The following THOC2 variants were observed in gnomAD, a reference collection of about 807,000 sequenced individuals.
The protein encoded by THOC2 is THO complex 2.
In THOC2, 10 loss-of-function variants were observed where a neutral mutation model predicts 128.4. The ratio of observed to expected loss-of-function variants is 0.08; its 90% CI spans 0.05 to 0.13. The LOEUF (loss-of-function observed/expected upper bound fraction) is 0.13. Among genes scored for constraint, THOC2 ranks in the 10% least tolerant of loss-of-function variants. THOC2 has a pLI of 1.00. For synonymous variants in THOC2, 393 were observed against 396.9 expected (o/e 0.99, Z 0.12); for missense variants, 535 against 1,155.7 (o/e 0.46, Z 7.79).
At chrX:123,712,597 T>G (rs952554152) in intron 2 of THOC2, among the ~76,000 whole-genome samples, 4 of 112,164 alleles carry the variant, frequency 3.6e-5, no homozygotes, top group African/African-American at 1.3e-4. Flanking sequence ...GAAATTTAGC[T>G]AAATATACCA....
chrX:123,699,914 A>G, intron 4 of THOC2, among the ~76,000 whole-genome samples: 1 of 112,221 alleles, frequency 8.9e-6, no homozygotes, highest in Non-Finnish European at 1.9e-5. Context: ...AACAATCAGT[A>G]CAGGACTCTA....
chrX:123,656,647 T>C, intron 12 of THOC2, among the ~76,000 whole-genome samples: 1 of 109,316 alleles, frequency 9.1e-6, no homozygotes, highest in East Asian at 2.9e-4. Context: ...AAGGCGGAGG[T>C]TGCAGTGAGC....
intron 11 of THOC2, among the ~76,000 whole-genome samples, chrX:123,666,844 A>G (rs2049068026): frequency 8.9e-6 from 1 of 111,789 alleles, no homozygotes; most frequent in African/African-American, 3.2e-5. Context: ...TCAACTCTCA[A>G]TGGAACAAAC....
At chrX:123,661,901 A>T (rs1408168460) in intron 12 of THOC2, among the ~76,000 whole-genome samples, 2 of 111,390 alleles carry the variant, frequency 1.8e-5, no homozygotes, top group Non-Finnish European at 3.8e-5. Context: ...CTGAGGCGGG[A>T]AGATCCCTTC....
intron 5 of THOC2, among the ~76,000 whole-genome samples, chrX:123,697,322 C>T (rs2050485491): frequency 8.9e-6 from 1 of 112,115 alleles, no homozygotes; most frequent in African/African-American, 3.2e-5. Flanking sequence ...TTTAAACTAC[C>T]TCTATTCTTT....
intron 9 of THOC2, among the ~76,000 whole-genome samples, chrX:123,669,747 T>A (rs145278017): frequency 8.9e-6 from 1 of 112,289 alleles, no homozygotes; most frequent in African/African-American, 3.2e-5. Flanking sequence ...AAGTTAGAAC[T>A]GTTTTATCTT....
chrX:123,617,771 T>C (rs2046948920), intron 33 of THOC2, among the ~76,000 whole-genome samples: 1 of 111,639 alleles, frequency 9.0e-6, no homozygotes, highest in African/African-American at 3.2e-5. Context: ...CAAAGTATGT[T>C]TCAGTAAACA....
intron 8 of THOC2, among the ~76,000 whole-genome samples, chrX:123,685,574 A>G (rs2049968934): frequency 8.9e-6 from 1 of 111,885 alleles, no homozygotes; most frequent in South Asian, 3.7e-4. Flanking sequence ...GTCACTTAAT[A>G]TGACTAGAAT....
At chrX:123,670,330 C>A (rs1288623916) in intron 9 of THOC2, among the ~76,000 whole-genome samples, 1 of 112,617 alleles carries the variant, frequency 8.9e-6, no homozygotes, top group Non-Finnish European at 1.9e-5. Flanking sequence ...TTCAAATCTC[C>A]TGCCTTGGCT....
intron 12 of THOC2, among the ~76,000 whole-genome samples, chrX:123,659,647 G>C (rs1169863104): frequency 8.9e-6 from 1 of 112,472 alleles, no homozygotes; most frequent in Non-Finnish European, 1.9e-5. Flanking sequence ...TGTACTAGGA[G>C]TTAGTCCTAT....
At position 123,696,065 on chromosome X, in the gene THOC2, C is replaced by T; in HGVS notation, c.557G>A (p.Ser186Asn). Reference sequence around the variant, plus strand: ...TTCTAAGATTAAATCACTAGTAATACTTCCAGATAAATCTTGCCCCAATTC... The same window carrying T: ...TTCTAAGATTAAATCACTAGTAATATTTCCAGATAAATCTTGCCCCAATTC... Reference protein sequence around the residue: ...IAELGQDLSGSITSDLILENI... With the variant: ...IAELGQDLSGNITSDLILENI... Residue 186 changes from serine to asparagine, a missense_variant, in exon 7 of 39, where the codon AGT becomes AAT. This residue lies in a region of THOC2 where 10 missense variants were observed against 63.0 expected (regional missense o/e 0.16). Coordinates refer to ENST00000245838, the MANE Select transcript of THOC2 (RefSeq NM_001081550.2). 8.8e-7 allele frequency: 1 copy of T among 1,141,302 alleles called. No homozygotes were observed. The highest frequency in any genetic ancestry group is 1.2e-6 in the Non-Finnish European group (1 of 832,502). The allele number at this position is 1,141,302 out of a possible 1,213,427, so 94.1% of individuals were successfully genotyped here. A position where few individuals can be genotyped will look rare whatever the true frequency, so the allele number is the denominator to read the frequency against.
chrX:123,718,040 T>C (rs2051508442), intron 1 of THOC2, among the ~76,000 whole-genome samples: 1 of 112,594 alleles, frequency 8.9e-6, no homozygotes, highest in Admixed American at 9.4e-5. Context: ...GCCAACTGTA[T>C]ATTACAAAAC....
intron 4 of THOC2, among the ~76,000 whole-genome samples, chrX:123,699,587 C>T (rs1002116657): frequency 9.0e-6 from 1 of 110,776 alleles, no homozygotes; most frequent in African/African-American, 3.3e-5. Flanking sequence ...CTAAACTGGG[C>T]CCATTCTTTT....
At chrX:123,652,490 T>C (rs746128353) in intron 12 of THOC2, among the ~76,000 whole-genome samples, 29 of 111,777 alleles carry the variant, frequency 2.6e-4, no homozygotes, top group Non-Finnish European at 4.7e-4. Context: ...GGAAGTCAAA[T>C]TGTCTCTGTT....
At chrX:123,668,345 T>C (rs765612551) in intron 9 of THOC2, 31 bp from the exon 10 acceptor site, 2 of 1,005,377 alleles carry the variant, frequency 2.0e-6, no homozygotes, top group Admixed American at 5.6e-5. Flanking sequence ...TTTCATAAAA[T>C]AGCTAATACC....
intron 33 of THOC2, among the ~76,000 whole-genome samples, chrX:123,614,591 T>G (rs2046820968): frequency 2.7e-5 from 3 of 110,851 alleles, no homozygotes; most frequent in African/African-American, 9.8e-5. Flanking sequence ...ATGGAAATTT[T>G]AAATAGTCTT....
chrX:123,640,991 A>G lies in THOC2; in HGVS notation c.1662-369T>C, dbSNP rs778755142. ...AGGACTCATCAGTTTAGGGATTAAG[A>G]TATCAAATTTGGTGTCATGCAATGA... On this transcript the variant is annotated intron_variant, in intron 15 of 38. Coordinates refer to ENST00000245838, the MANE Select transcript of THOC2 (RefSeq NM_001081550.2). Among the ~76,000 whole-genome samples, 11 of 112,021 alleles carry G rather than the reference A, an allele frequency of 9.8e-5. 1 individual carries two copies. In the South Asian group the frequency reaches 3.4e-3, roughly 34 times the overall value.
intron 12 of THOC2, among the ~76,000 whole-genome samples, chrX:123,648,267 A>C: frequency 8.9e-6 from 1 of 111,874 alleles, no homozygotes; most frequent in Non-Finnish European, 1.9e-5. Context: ...GGAACAGTGC[A>C]TTCTGGCCCA....
intron 12 of THOC2, among the ~76,000 whole-genome samples, chrX:123,650,581 C>T (rs2048313876): frequency 9.0e-6 from 1 of 111,548 alleles, no homozygotes; most frequent in South Asian, 3.7e-4. Flanking sequence ...TGCAAAGACA[C>T]ACATAGGCTC....
Sources: gnomAD v4.1 joint callset for allele counts (sites outside exome capture counted in the v4.1 genomes callset) on GRCh38, gnomAD v4.1.1 for gene constraint, gnomAD v4.1.1 regional missense constraint, MANE v1.5 for transcripts, NCBI Gene and HGNC (gene_info 2026-07-23, HGNC 2026-07-21) for gene names.